The following DPF3 variants were observed in gnomAD, a reference collection of about 807,000 sequenced individuals.
DPF3 encodes the protein double PHD fingers 3, also known as zinc finger protein DPF3.
DPF3 carries 18 observed loss-of-function variants against 56.8 expected under a neutral mutation model. The observed-to-expected ratio is 0.32, with a 90% CI of 0.22 to 0.47. The LOEUF is 0.47. Ranked by LOEUF, DPF3 falls within the 20% of genes least tolerant of loss-of-function variation. The probability of loss-of-function intolerance (pLI) is 1.00; values close to 1 mark genes in which losing one functional copy is unlikely to be tolerated. For synonymous variants in DPF3, 188 were observed against 180.2 expected (o/e 1.04, Z -0.35); for missense variants, 403 against 488.8 (o/e 0.82, Z 1.65).
At chr14:72,811,178 C>T (rs891754370) in intron 1 of DPF3, among the ~76,000 whole-genome samples, 1 of 152,208 alleles carries the variant, frequency 6.6e-6, no homozygotes, top group Non-Finnish European at 1.5e-5. Flanking sequence ...GTGGACGGTG[C>T]TAAGCCATTC....
intron 8 of DPF3, among the ~76,000 whole-genome samples, chr14:72,644,028 G>A (rs540197404): frequency 6.6e-6 from 1 of 152,186 alleles, no homozygotes; most frequent in East Asian, 1.9e-4. Context: ...TTTCCAAGTT[G>A]CAGTGGCAGG....
At chr14:72,692,579 T>C (rs1887735911) in intron 7 of DPF3, among the ~76,000 whole-genome samples, 1 of 152,166 alleles carries the variant, frequency 6.6e-6, no homozygotes, top group African/African-American at 2.4e-5. Flanking sequence ...CAGGCAGCAT[T>C]TCTAAGGCAG....
At chr14:72,891,240 C>A (rs773458151) in intron 1 of DPF3, among the ~76,000 whole-genome samples, 10 of 152,108 alleles carry the variant, frequency 6.6e-5, no homozygotes, top group Non-Finnish European at 5.9e-5. Flanking sequence ...ACATTAACTA[C>A]CACCACTTTA....
Position 72,613,077 on chromosome 14 carries a change from CTCA to C in DPF3, c.*6217_*6219del, listed in dbSNP as rs1883858913. Among the ~76,000 whole-genome samples, 1 of 151,958 alleles carries C rather than the reference CTCA, an allele frequency of 6.6e-6. No individual in the cohort carries two copies. Among genetic ancestry groups the C allele is most frequent in the African/African-American group, 2.4e-5 (1 of 41,364 alleles). On this transcript the variant is annotated 3_prime_UTR_variant, in exon 11 of 11. Transcript: ENST00000556509. The stretch of plus-strand genomic sequence containing the variant: ...GCGCATGCACATGGGCATTCCTGTT[CTCA>C]TCATCAATATTCATAACATTGAAAT...
intron 2 of DPF3, among the ~76,000 whole-genome samples, chr14:72,768,933 C>CTGTGTGTGTCTGTG (rs1443120730): frequency 2.0e-5 from 3 of 146,516 alleles, no homozygotes; most frequent in African/African-American, 7.6e-5. Flanking sequence ...GTGTGAGTGT[C>CTGTGTGTGTCTGTG]TGTGTGTGTG....
intron 9 of DPF3, among the ~76,000 whole-genome samples, chr14:72,626,629 C>A (rs1409966596): frequency 6.6e-6 from 1 of 152,080 alleles, no homozygotes; most frequent in Non-Finnish European, 1.5e-5. Flanking sequence ...TAGTAATGAA[C>A]AATGCTACCA....
chr14:72,765,606 G>A (rs1201420080), intron 2 of DPF3, among the ~76,000 whole-genome samples: 1 of 152,212 alleles, frequency 6.6e-6, no homozygotes, highest in Non-Finnish European at 1.5e-5. Flanking sequence ...GTATTAATTA[G>A]TAATTATGCT....
At chr14:72,631,211 G>A (rs1429982513) in intron 8 of DPF3, among the ~76,000 whole-genome samples, 1 of 152,188 alleles carries the variant, frequency 6.6e-6, no homozygotes, top group African/African-American at 2.4e-5. Flanking sequence ...GCAAGGAGAG[G>A]CCTGATCTAA....
chr14:72,849,976 A>G (rs1884909732), intron 1 of DPF3, among the ~76,000 whole-genome samples: 1 of 152,116 alleles, frequency 6.6e-6, no homozygotes, highest in Non-Finnish European at 1.5e-5. Flanking sequence ...AAAATTAGCC[A>G]GGCATGGTGT....
intron 3 of DPF3, among the ~76,000 whole-genome samples, chr14:72,737,615 A>G (rs1191433659): frequency 6.6e-6 from 1 of 152,232 alleles, no homozygotes; most frequent in Non-Finnish European, 1.5e-5. Flanking sequence ...TAGAAAACAG[A>G]TTAAGACAGT....
intron 7 of DPF3, among the ~76,000 whole-genome samples, chr14:72,676,492 A>T (rs1000616542): frequency 1.3e-5 from 2 of 152,096 alleles, no homozygotes; most frequent in African/African-American, 4.8e-5. Flanking sequence ...AAGCTTGCAG[A>T]TTAATTCTTG....
chr14:72,788,012 T>G (rs929731472), intron 1 of DPF3, among the ~76,000 whole-genome samples: 1 of 152,182 alleles, frequency 6.6e-6, no homozygotes, highest in Non-Finnish European at 1.5e-5. Flanking sequence ...TGGAGAGTAC[T>G]GTAAGGTGAA....
intron 8 of DPF3, among the ~76,000 whole-genome samples, chr14:72,672,717 C>T (rs1886743406): frequency 6.6e-6 from 1 of 152,210 alleles, no homozygotes; most frequent in African/African-American, 2.4e-5. Flanking sequence ...TAGCACCCCT[C>T]TTTTGTAAGA....
At chr14:72,687,270 ACAGACT>A (rs1300050518) in intron 7 of DPF3, among the ~76,000 whole-genome samples, 2 of 152,220 alleles carry the variant, frequency 1.3e-5, no homozygotes, top group African/African-American at 4.8e-5. Context: ...CTTCAATTCC[ACAGACT>A]TGAAAAATCA....
chr14:72,720,264 A>G (rs1889110712), intron 5 of DPF3, among the ~76,000 whole-genome samples: 2 of 152,128 alleles, frequency 1.3e-5, no homozygotes, highest in African/African-American at 2.4e-5. Flanking sequence ...AGACCCGGAC[A>G]AGAGGATCGC....
At chr14:72,753,437 A>C in intron 2 of DPF3, 66 bp from the exon 3 acceptor site, 1 of 1,295,922 alleles carries the variant, frequency 7.7e-7, no homozygotes, top group Non-Finnish European at 1.1e-6. Flanking sequence ...AACTACCCTG[A>C]CTAACCCCGT....
intron 3 of DPF3, among the ~76,000 whole-genome samples, chr14:72,746,155 C>T (rs1257861407): frequency 1.3e-5 from 2 of 152,232 alleles, no homozygotes; most frequent in Non-Finnish European, 2.9e-5. Context: ...CTAGTCAAGG[C>T]CCTGGATGAA....
chr14:72,749,099 C>A (rs371702689), intron 3 of DPF3, among the ~76,000 whole-genome samples: 1 of 152,188 alleles, frequency 6.6e-6, no homozygotes, highest in South Asian at 2.1e-4. Flanking sequence ...CTGGAAAAGC[C>A]GCAGACACTC....
intron 9 of DPF3, among the ~76,000 whole-genome samples, chr14:72,629,188 A>C (rs1184123417): frequency 1.3e-5 from 2 of 152,224 alleles, no homozygotes; most frequent in African/African-American, 4.8e-5. Context: ...GTTACAGGTA[A>C]AAATGATATT....
Sources: gnomAD v4.1 joint callset for allele counts (sites outside exome capture counted in the v4.1 genomes callset) on GRCh38, gnomAD v4.1.1 for gene constraint, MANE v1.5 for transcripts, NCBI Gene and HGNC (gene_info 2026-07-23, HGNC 2026-07-21) for gene names.